ELMO2: variants seen among roughly 807,000 people sequenced by gnomAD.
ELMO2 encodes the protein engulfment and cell motility protein 2.
In ELMO2, 37 loss-of-function variants were observed where a neutral mutation model predicts 96.2. That is an observed-to-expected ratio of 0.38 (90% CI 0.30 to 0.51). ELMO2 has a LOEUF of 0.51. Ranked by LOEUF, ELMO2 falls within the 20% of genes least tolerant of loss-of-function variation. ELMO2 has a pLI of 0.88. For missense variants in ELMO2, 561 were observed against 912.6 expected (o/e 0.61, Z 4.96); for synonymous variants, 315 against 329.4 (o/e 0.96, Z 0.47).
rs2059637982 is a variant in ELMO2, at chr20:46,368,879, C to T, written c.1962+12G>A. On this transcript the variant is annotated intron_variant, in intron 21 of 21. Coordinates refer to ENST00000290246, the MANE Select transcript of ELMO2 (RefSeq NM_133171.5). The stretch of plus-strand genomic sequence containing the variant: ...ATAGCTCTGTTGTCTAAGGCAGCGC[C>T]ACACTGCTCACCTCATATTTATTAG... 1.2e-6 allele frequency: 2 copies of T among 1,614,108 alleles called. No individual in the cohort carries two copies. The highest frequency in any genetic ancestry group is 4.5e-5 in the East Asian group (2 of 44,892).
intron 2 of ELMO2, among the ~76,000 whole-genome samples, chr20:46,396,301 G>A (rs548891714): frequency 4.6e-5 from 7 of 152,240 alleles, no homozygotes; most frequent in African/African-American, 1.7e-4. Flanking sequence ...TATCCTTATC[G>A]GCAAAGCTGC....
At chr20:46,392,837 C>T (rs2060175890) in intron 6 of ELMO2, among the ~76,000 whole-genome samples, 1 of 152,186 alleles carries the variant, frequency 6.6e-6, no homozygotes, top group African/African-American at 2.4e-5. Flanking sequence ...GTTAGGTGGT[C>T]CCCTTTGTGA....
chr20:46,388,748 G>A (rs769271391), intron 7 of ELMO2, among the ~76,000 whole-genome samples: 1 of 152,152 alleles, frequency 6.6e-6, no homozygotes, highest in Non-Finnish European at 1.5e-5. Flanking sequence ...GGTCTGTCAC[G>A]ACGTGACTGC....
At chr20:46,394,653 T>G in intron 2 of ELMO2, 121 bp from the exon 3 acceptor site, 2 of 720,958 alleles carry the variant, frequency 2.8e-6, no homozygotes, top group Non-Finnish European at 4.6e-6. Flanking sequence ...CTACCTGGTT[T>G]GAATTTTTCT....
chr20:46,367,212 C>T lies in ELMO2; in HGVS notation c.*148G>A, dbSNP rs2059600612. On this transcript the variant is annotated 3_prime_UTR_variant, in exon 22 of 22. Transcript: ENST00000290246. Reference sequence around the variant, plus strand: ...GACCAAGAGGAAACTCTGGGTGGTCCGAGGTGGGTTTGAGAAATGGCTGGC... The same window carrying T: ...GACCAAGAGGAAACTCTGGGTGGTCTGAGGTGGGTTTGAGAAATGGCTGGC... The T allele has an allele frequency of 6.9e-6, 5 of 721,578 alleles. No individual in the cohort carries two copies. Among genetic ancestry groups the T allele is most frequent in the Admixed American group, 7.2e-5 (2 of 27,668 alleles). The allele number at this position is 721,578 out of a possible 1,614,324, so 44.7% of individuals were successfully genotyped here.
At chr20:46,388,917 G>T in intron 7 of ELMO2, 122 bp downstream of exon 7, 1 of 954,456 alleles carries the variant, frequency 1.0e-6, no homozygotes, top group Non-Finnish European at 1.6e-6. Context: ...TTGGCACACT[G>T]CTCTGCACAC....
At chr20:46,386,670 A>T (rs1385524290) in intron 8 of ELMO2, among the ~76,000 whole-genome samples, 1 of 152,182 alleles carries the variant, frequency 6.6e-6, no homozygotes, top group Non-Finnish European at 1.5e-5. Flanking sequence ...GGTAGAAAGG[A>T]CCTTGAAGCC....
chr20:46,405,372 G>A (rs1259727023), intron 1 of ELMO2, among the ~76,000 whole-genome samples: 1 of 152,220 alleles, frequency 6.6e-6, no homozygotes, highest in African/African-American at 2.4e-5. Context: ...CAGGGAGGAG[G>A]AATACTAAAT....
Position 46,371,311 on chromosome 20 carries a change from A to G in ELMO2, c.1801+41T>C, listed in dbSNP as rs757820574. ...GGACTAGAACTCCTGTCTCCTGACA[A>G]GTCCAGCAACCATGACACATCAACA... On this transcript the variant is annotated intron_variant, in intron 19 of 21. Transcript: ENST00000290246. The surrounding 1 kb of genome is among the most constrained non-coding windows in gnomAD (Gnocchi z 5.9). 1 of 1,596,412 alleles carries G rather than the reference A, an allele frequency of 6.3e-7. No homozygotes were observed. Among genetic ancestry groups the G allele is most frequent in the South Asian group, 1.1e-5 (1 of 90,488 alleles).
chr20:46,376,581 G>C, intron 11 of ELMO2: 3 of 1,263,694 alleles, frequency 2.4e-6, no homozygotes, highest in Non-Finnish European at 3.1e-6. Flanking sequence ...TGTCTCCCTC[G>C]GTCTGTCCTA....
intron 11 of ELMO2, among the ~76,000 whole-genome samples, chr20:46,377,842 C>T (rs551687301): frequency 1.2e-4 from 18 of 152,206 alleles, no homozygotes; most frequent in African/African-American, 3.9e-4. Context: ...TGCTCTGTGC[C>T]CCCTGCCCCA....
At chr20:46,377,336 T>C (rs1317623299) in intron 11 of ELMO2, among the ~76,000 whole-genome samples, 1 of 152,262 alleles carries the variant, frequency 6.6e-6, no homozygotes, top group Non-Finnish European at 1.5e-5. Flanking sequence ...AAATATATTA[T>C]TGAACTTAAT....
At position 46,371,237 on chromosome 20, in the gene ELMO2, G is replaced by T; in HGVS notation, c.1801+115C>A. 9.8e-7 allele frequency: 1 copy of T among 1,025,602 alleles called. No homozygotes were observed. The highest frequency in any genetic ancestry group is 1.5e-6 in the Non-Finnish European group (1 of 683,944). 63.5% of individuals were successfully genotyped at this position (1,025,602 alleles called of 1,614,324 possible). A position where few individuals can be genotyped will look rare whatever the true frequency, so the allele number is the denominator to read the frequency against. ...AAATCGCTGACAGATAAGGAAACAG[G>T]TCCAGAGAGGTAACAGGTACAAGCC... is the stretch of plus-strand genomic sequence containing the variant. On this transcript the variant is annotated intron_variant, in intron 19 of 21. Transcript: ENST00000290246. This position sits in a 1 kb window ranked among gnomAD's most constrained non-coding sequence, Gnocchi z 5.9.
Position 46,394,052 on chromosome 20 carries a change from T to C in ELMO2, c.116A>G (p.Asp39Gly), listed in dbSNP as rs767049111. The change falls in exon 4 of 22, where the codon GAT (aspartate) becomes GGT (glycine). Residue 39 changes from aspartate (D) to glycine (G), a missense_variant. By Grantham distance (94) the Asp-to-Gly change is moderately conservative. Transcript: ENST00000290246. Reference sequence around the variant, plus strand: ...AACGAGGTCCATTTCAACCTACCCATCACAAACTTCCTTGATAATGGATGC... The same window carrying C: ...AACGAGGTCCATTTCAACCTACCCACCACAAACTTCCTTGATAATGGATGC... ...PLASIIKEVC[D>G]GWSLPNPEYY... 1 of 1,613,914 alleles carries C rather than the reference T, an allele frequency of 6.2e-7. No homozygotes were observed. Among genetic ancestry groups the C allele is most frequent in the Admixed American group, 1.7e-5 (1 of 60,004 alleles).
intron 21 of ELMO2, among the ~76,000 whole-genome samples, chr20:46,367,815 G>A (rs138840627): frequency 3.4e-3 from 521 of 152,102 alleles, no homozygotes; most frequent in African/African-American, 0.012. Flanking sequence ...TGCAATAAAC[G>A]AATACAGCAA....
intron 11 of ELMO2, 180 bp downstream of exon 11, chr20:46,380,073 G>T: frequency 1.9e-6 from 1 of 529,326 alleles, no homozygotes; most frequent in Non-Finnish European, 3.4e-6. Flanking sequence ...CTGCCTAGAG[G>T]CAACTCTGCT....
At position 46,375,642 on chromosome 20, in the gene ELMO2, A is replaced by G; in HGVS notation, c.930+26T>C. On this transcript the variant is annotated intron_variant, in intron 12 of 21. Coordinates refer to ENST00000290246, the MANE Select transcript of ELMO2 (RefSeq NM_133171.5). The surrounding 1 kb of genome is among the most constrained non-coding windows in gnomAD (Gnocchi z 4.6). ...GCTGGACTGCACCACAGCCATGAGAAAACAGCTGCCCCACTTAGCACCTAC... is the reference window on the plus strand; with the variant it reads ...GCTGGACTGCACCACAGCCATGAGAGAACAGCTGCCCCACTTAGCACCTAC... The G allele has an allele frequency of 1.9e-6, 3 of 1,613,842 alleles. No homozygotes were observed. Among genetic ancestry groups the G allele is most frequent in the Non-Finnish European group, 2.5e-6 (3 of 1,179,724 alleles).
chr20:46,398,902 A>G (rs1299871557), intron 1 of ELMO2, 131 bp from the exon 2 acceptor site: 3 of 152,238 alleles, frequency 2.0e-5, no homozygotes, highest in Non-Finnish European at 4.4e-5. Flanking sequence ...CGCTCTATAT[A>G]ATACTTCCTT....
chr20:46,405,434 G>A (rs1445996729), intron 1 of ELMO2, among the ~76,000 whole-genome samples: 2 of 152,180 alleles, frequency 1.3e-5, no homozygotes, highest in Non-Finnish European at 2.9e-5. Context: ...ACAGAAAGAG[G>A]CCAGTGTGTG....
Sources: gnomAD v4.1 joint callset for allele counts (sites outside exome capture counted in the v4.1 genomes callset) on GRCh38, gnomAD v4.1.1 for gene constraint, Gnocchi (gnomAD v3.1) non-coding constraint, MANE v1.5 for transcripts, NCBI Gene and HGNC (gene_info 2026-07-23, HGNC 2026-07-21) for gene names.